The following PRDM6 variants were observed in gnomAD, a reference collection of about 807,000 sequenced individuals.
The protein encoded by PRDM6 is PR/SET domain 6, also known as putative histone-lysine N-methyltransferase PRDM6.
A neutral mutation model predicts 60.8 loss-of-function variants in PRDM6; 25 were observed. That is an observed-to-expected ratio of 0.41 (90% CI 0.30 to 0.57). PRDM6 has a LOEUF of 0.57. Ranked by LOEUF, PRDM6 falls within the 20% of genes least tolerant of loss-of-function variation. PRDM6 has a pLI of 0.27. For missense variants in PRDM6, 839 were observed against 821.3 expected, an observed-to-expected ratio of 1.02 and a Z score of -0.26; for synonymous variants, 407 against 357.4, an observed-to-expected ratio of 1.14 and a Z score of -1.57.
chr5:123,147,878 C>T (rs1250402307), intron 3 of PRDM6, among the ~76,000 whole-genome samples: 1 of 152,228 alleles, frequency 6.6e-6, no homozygotes, highest in African/African-American at 2.4e-5. Flanking sequence ...GCTGCCGCCG[C>T]CTTCAGAGAT....
Position 123,089,456 on chromosome 5 carries a change from T to G in PRDM6, c.-79T>G, listed in dbSNP as rs931840900. 10 of 133,698 alleles carry G rather than the reference T, an allele frequency of 7.5e-5. No homozygotes were observed. The highest frequency in any genetic ancestry group is 2.7e-4 in the African/African-American group (10 of 36,816). The allele number at this position is 133,698 out of a possible 1,614,324, so 8.3% of individuals were successfully genotyped here. ...CATGTAGCGCACGCAGGGCGCACAC[T>G]CTCGCGCACCCGCACGCTCACCGAG... is the stretch of plus-strand genomic sequence containing the variant. On this transcript the variant is annotated 5_prime_UTR_variant, in exon 1 of 8. Coordinates refer to ENST00000407847, the MANE Select transcript of PRDM6 (RefSeq NM_001136239.4).
chr5:123,154,313 C>T (rs1371169998), intron 3 of PRDM6, among the ~76,000 whole-genome samples: 2 of 152,108 alleles, frequency 1.3e-5, no homozygotes, highest in Non-Finnish European at 2.9e-5. Flanking sequence ...TTAAAGAAGT[C>T]ATTAGCCTTA....
chr5:123,143,031 C>G (rs395352), intron 3 of PRDM6, among the ~76,000 whole-genome samples: 9,794 of 152,040 alleles, frequency 0.064, 340 homozygotes, highest in Non-Finnish European at 0.072. Flanking sequence ...AGAACCTCCT[C>G]GAAAGTACAT....
At chr5:123,141,875 A>G (rs564703638) in intron 3 of PRDM6, among the ~76,000 whole-genome samples, 1 of 152,174 alleles carries the variant, frequency 6.6e-6, no homozygotes, top group Non-Finnish European at 1.5e-5. Context: ...ATGTCATCTT[A>G]CAAATGACTT....
At chr5:123,147,841 T>C (rs1334711239) in intron 3 of PRDM6, among the ~76,000 whole-genome samples, 1 of 152,224 alleles carries the variant, frequency 6.6e-6, no homozygotes, top group Non-Finnish European at 1.5e-5. Flanking sequence ...GACTCCAGAA[T>C]GATGGATGGC....
chr5:123,171,617 C>T (rs547529176), intron 6 of PRDM6, among the ~76,000 whole-genome samples: 85 of 152,250 alleles, frequency 5.6e-4, no homozygotes, highest in Non-Finnish European at 8.8e-4. Flanking sequence ...AAGGAAATAC[C>T]TACTCTGCTA....
At chr5:123,139,817 G>A (rs1221138838) in intron 3 of PRDM6, among the ~76,000 whole-genome samples, 1 of 152,164 alleles carries the variant, frequency 6.6e-6, no homozygotes, top group African/African-American at 2.4e-5. Context: ...CTGGAATCAA[G>A]ATGTGGTTGG....
rs1209132848 is a variant in PRDM6 at position 123,191,908 on chromosome 5, C to G, written c.*4707C>G. 6.6e-6 allele frequency: 1 copy of G among 152,150 alleles called. No homozygotes were observed. The highest frequency in any genetic ancestry group is 1.5e-5 in the Non-Finnish European group (1 of 68,024). 9.4% of individuals were successfully genotyped at this position (152,150 alleles called of 1,614,324 possible). ...TTGCCACAGATGTTTAACCTGTAGT[C>G]CATGGCTGTGTTTGACATTTAAAAT... On this transcript the variant is annotated 3_prime_UTR_variant, in exon 8 of 8. Transcript: ENST00000407847.
intron 3 of PRDM6, among the ~76,000 whole-genome samples, chr5:123,148,475 T>C (rs1260863590): frequency 6.6e-6 from 1 of 152,024 alleles, no homozygotes; most frequent in East Asian, 1.9e-4. Flanking sequence ...AATGAAAAAA[T>C]GTATAATATA....
At chr5:123,097,771 G>A (rs369160553) in intron 2 of PRDM6, among the ~76,000 whole-genome samples, 2 of 152,206 alleles carry the variant, frequency 1.3e-5, no homozygotes, top group East Asian at 3.9e-4. Context: ...AATAGTTTGT[G>A]TTGCTGGCAG....
intron 3 of PRDM6, among the ~76,000 whole-genome samples, chr5:123,143,658 G>A (rs771249927): frequency 2.6e-5 from 4 of 152,112 alleles, no homozygotes; most frequent in Non-Finnish European, 5.9e-5. Flanking sequence ...ACACTTGCCA[G>A]CCTCCCACCC....
intron 5 of PRDM6, among the ~76,000 whole-genome samples, chr5:123,160,866 T>C (rs1053570357): frequency 2.6e-5 from 4 of 152,198 alleles, no homozygotes; most frequent in African/African-American, 9.6e-5. Flanking sequence ...GGAGTTCCTG[T>C]TTTCATAGGA....
chr5:123,119,878 G>C (rs905061859), intron 3 of PRDM6, among the ~76,000 whole-genome samples: 2 of 152,118 alleles, frequency 1.3e-5, no homozygotes, highest in East Asian at 3.8e-4. Context: ...TACATGAGTG[G>C]TTATACTACC....
intron 1 of PRDM6, among the ~76,000 whole-genome samples, 179 bp downstream of exon 1, chr5:123,089,698 G>A (rs1763759344): frequency 6.6e-6 from 1 of 152,132 alleles, no homozygotes; most frequent in Non-Finnish European, 1.5e-5. Context: ...GAGGGCGGGG[G>A]CTGCGTCCTG....
In PRDM6 at chr5:123,194,068, C is replaced by T. The variant is rs2126900678; in HGVS notation, c.*6867C>T. On this transcript the variant is annotated 3_prime_UTR_variant, in exon 8 of 8. Coordinates refer to ENST00000407847, the MANE Select transcript of PRDM6 (RefSeq NM_001136239.4). ...AATGGGTAAAACTTAATAAAGTTTT[C>T]TAACTTTATTAAACTCACATTATTT... is the stretch of plus-strand genomic sequence containing the variant. 1.3e-5 allele frequency: 2 copies of T among 152,176 alleles called. No individual in the cohort carries two copies. Among genetic ancestry groups the T allele is most frequent in the Middle Eastern group, 3.4e-3 (1 of 294 alleles). 9.4% of individuals were successfully genotyped at this position (152,176 alleles called of 1,614,324 possible). A position where few individuals can be genotyped will look rare whatever the true frequency, so the allele number is the denominator to read the frequency against.
rs369831664 is a variant in PRDM6, at chr5:123,190,507, A to G, written c.*3306A>G. 94 of 152,336 alleles carry G rather than the reference A, an allele frequency of 6.2e-4. No homozygotes were observed. Among genetic ancestry groups the G allele is most frequent in the Middle Eastern group, 3.4e-3 (1 of 294 alleles). The allele number at this position is 152,336 out of a possible 1,614,324, so 9.4% of individuals were successfully genotyped here. On this transcript the variant is annotated 3_prime_UTR_variant, in exon 8 of 8. Transcript: ENST00000407847. Reference sequence around the variant, plus strand: ...TTAAAGCTATGAAACTTAATCTCATATAATTTATATAATTTGATTCAGTTG... The same window carrying G: ...TTAAAGCTATGAAACTTAATCTCATGTAATTTATATAATTTGATTCAGTTG...
At position 123,099,804 on chromosome 5, in the gene PRDM6, T is replaced by G; in HGVS notation, c.743T>G (p.Val248Gly). 6.5e-7 allele frequency: 1 copy of G among 1,549,136 alleles called. No homozygotes were observed. Residue 248 changes from valine (V) to glycine (G), a missense_variant, in exon 3 of 8, where the codon GTG (valine) becomes GGG (glycine). Val to Gly is a moderately radical substitution (Grantham distance 109). Around this residue, in one of 2 missense-constraint regions of PRDM6, gnomAD observed 730 missense variants for 648.8 expected, o/e 1.13. Coordinates refer to ENST00000407847, the MANE Select transcript of PRDM6 (RefSeq NM_001136239.4). The surrounding 1 kb of genome is among the most constrained non-coding windows in gnomAD (Gnocchi z 4.0). ...PEWLRDLPRE[V>G]CLCTSTVPGL... Reference sequence around the variant, plus strand: ...TGGCTGCGGGACCTGCCTCGCGAGGTGTGCCTCTGCACCAGTACTGTGCCC... The same window carrying G: ...TGGCTGCGGGACCTGCCTCGCGAGGGGTGCCTCTGCACCAGTACTGTGCCC...
intron 3 of PRDM6, among the ~76,000 whole-genome samples, chr5:123,146,498 T>C (rs556879211): frequency 6.6e-6 from 1 of 152,338 alleles, no homozygotes; most frequent in African/African-American, 2.4e-5. Context: ...ATTTCCTGTT[T>C]GGTATAAAAC....
At chr5:123,130,163 TCCCCTCCCCTCCCCTTCCCTTCCCTTC>T (rs2150222841) in intron 3 of PRDM6, among the ~76,000 whole-genome samples, 2 of 30,482 alleles carry the variant, frequency 6.6e-5, no homozygotes, top group African/African-American at 1.7e-4. Flanking sequence ...TCCCCTCCCC[TCCCCTCCCCTCCCCTTCCCTTCCCTTC>T]CCTTCCTCTC....
Sources: allele counts gnomAD v4.1 joint callset (sites outside exome capture counted in the v4.1 genomes callset), GRCh38; gene constraint gnomAD v4.1.1; regional missense constraint gnomAD v4.1.1; non-coding constraint Gnocchi (gnomAD v3.1); transcripts MANE v1.5; gene names NCBI Gene and HGNC (gene_info 2026-07-23, HGNC 2026-07-21).